ADGRD1: variants seen among roughly 807,000 people sequenced by gnomAD.
ADGRD1 encodes adhesion G protein-coupled receptor D1.
In ADGRD1, 77 loss-of-function variants were observed where a neutral mutation model predicts 113.4. The ratio of observed to expected loss-of-function variants is 0.68; its 90% CI spans 0.57 to 0.82. The LOEUF (loss-of-function observed/expected upper bound fraction) is 0.82. Ranked by LOEUF, ADGRD1 falls within the 40% of genes least tolerant of loss-of-function variation. The probability of loss-of-function intolerance (pLI) is 0.00; values close to 1 mark genes in which losing one functional copy is unlikely to be tolerated. For missense variants in ADGRD1, 1,036 were observed against 1,139.1 expected (o/e 0.91, Z 1.30); for synonymous variants, 474 against 475.0 (o/e 1.00, Z 0.03).
chr12:130,981,867 C>A lies in ADGRD1; in HGVS notation c.311-17C>A. On this transcript the variant is annotated splice_polypyrimidine_tract_variant and intron_variant, in intron 4 of 24. Coordinates refer to ENST00000261654, the MANE Select transcript of ADGRD1 (RefSeq NM_198827.5). ...CCCCTGCTCTCTGTGAATAACTGAT[C>A]TTGTGACTTTCCTCAGGGGTCACGT... is the stretch of plus-strand genomic sequence containing the variant. 1.9e-6 allele frequency: 3 copies of A among 1,591,926 alleles called. No homozygotes were observed. Among genetic ancestry groups the A allele is most frequent in the Non-Finnish European group, 2.6e-6 (3 of 1,162,990 alleles).
At chr12:131,130,495 G>T (rs916972779) in intron 20 of ADGRD1, among the ~76,000 whole-genome samples, 1 of 152,218 alleles carries the variant, frequency 6.6e-6, no homozygotes. Flanking sequence ...AGACAGGGCC[G>T]GTCTCCTGCT....
chr12:131,033,247 T>G (rs1881001406), intron 13 of ADGRD1, among the ~76,000 whole-genome samples: 1 of 151,862 alleles, frequency 6.6e-6, no homozygotes, highest in South Asian at 2.1e-4. Flanking sequence ...TTGTCTTGTT[T>G]TTGTGTGGCA....
intron 24 of ADGRD1, 88 bp from the exon 25 acceptor site, chr12:131,139,080 A>G (rs1432805198): frequency 2.2e-6 from 2 of 898,596 alleles, no homozygotes; most frequent in African/African-American, 1.7e-5. Flanking sequence ...TCGGGCAGCT[A>G]TGGGCCCAAT....
chr12:131,116,923 C>T (rs557558037), intron 18 of ADGRD1, among the ~76,000 whole-genome samples: 1 of 152,336 alleles, frequency 6.6e-6, no homozygotes, highest in East Asian at 1.9e-4. Context: ...GATTCCCATT[C>T]GTGCAGGATC....
chr12:131,120,239 A>AC (rs1349473712), intron 19 of ADGRD1, among the ~76,000 whole-genome samples: 1 of 151,806 alleles, frequency 6.6e-6, no homozygotes, highest in Non-Finnish European at 1.5e-5. Context: ...GGTCCTAGGG[A>AC]CTCTTCGGCT....
At chr12:131,010,084 C>T (rs931300935) in intron 12 of ADGRD1, among the ~76,000 whole-genome samples, 10 of 152,188 alleles carry the variant, frequency 6.6e-5, no homozygotes, top group Non-Finnish European at 1.3e-4. Flanking sequence ...CTGAGGAAGT[C>T]GCCTGTTACC....
At chr12:131,054,336 C>T (rs548642807) in intron 13 of ADGRD1, among the ~76,000 whole-genome samples, 1 of 152,282 alleles carries the variant, frequency 6.6e-6, no homozygotes, top group South Asian at 2.1e-4. Flanking sequence ...TGTTCTTTCG[C>T]CATAGATTAA....
At chr12:130,997,079 G>A (rs1875569313) in intron 8 of ADGRD1, among the ~76,000 whole-genome samples, 1 of 134,818 alleles carries the variant, frequency 7.4e-6, no homozygotes, top group Non-Finnish European at 1.6e-5. Flanking sequence ...TCCCAGTAGG[G>A]GCGGCCGGGC....
chr12:131,056,247 G>T (rs1479466096), intron 13 of ADGRD1, among the ~76,000 whole-genome samples: 1 of 152,236 alleles, frequency 6.6e-6, no homozygotes, highest in Non-Finnish European at 1.5e-5. Context: ...CACATTAGAG[G>T]TTGTACTTTA....
chr12:131,041,531 G>A lies in ADGRD1; in HGVS notation c.1473+27191G>A, dbSNP rs1882129927. On this transcript the variant is annotated intron_variant, in intron 13 of 24. Transcript: ENST00000261654. The surrounding 1 kb of genome is among the most constrained non-coding windows in gnomAD (Gnocchi z 4.4). The stretch of plus-strand genomic sequence containing the variant: ...CACTTTGTGACCTCCGCAGGGAGAC[G>A]GAGACTGTGGTGGCCAGGACAGCAT... 2.0e-5 allele frequency among the ~76,000 whole-genome samples: 3 copies of A among 152,132 alleles called. No homozygotes were observed. Among genetic ancestry groups the A allele is most frequent in the Admixed American group, 6.5e-5 (1 of 15,280 alleles).
chr12:130,972,897 G>A (rs559305694), intron 4 of ADGRD1, among the ~76,000 whole-genome samples: 3 of 152,214 alleles, frequency 2.0e-5, no homozygotes, highest in African/African-American at 7.2e-5. Flanking sequence ...ACCCAAGAAA[G>A]GAGACAGTGA....
At chr12:131,019,777 C>T (rs1017601083) in intron 13 of ADGRD1, among the ~76,000 whole-genome samples, 7 of 152,102 alleles carry the variant, frequency 4.6e-5, no homozygotes, top group Admixed American at 2.6e-4. Flanking sequence ...GGGAGATGCT[C>T]CAGGGAAGGA....
intron 8 of ADGRD1, among the ~76,000 whole-genome samples, chr12:130,994,547 C>A (rs530932344): frequency 6.6e-6 from 1 of 152,352 alleles, no homozygotes; most frequent in South Asian, 2.1e-4. Flanking sequence ...CTGCAGCATC[C>A]TCAGGAATGT....
intron 21 of ADGRD1, among the ~76,000 whole-genome samples, chr12:131,133,886 T>C (rs1274408708): frequency 1.3e-5 from 2 of 152,188 alleles, no homozygotes; most frequent in Non-Finnish European, 2.9e-5. Context: ...CTAGTGATTT[T>C]CTTAGTGCCA....
At chr12:131,039,411 G>A (rs1295466609) in intron 13 of ADGRD1, among the ~76,000 whole-genome samples, 3 of 152,228 alleles carry the variant, frequency 2.0e-5, no homozygotes, top group Admixed American at 6.5e-5. Flanking sequence ...TAGATTTCCC[G>A]GTCTAGACCA....
At chr12:131,082,974 CCACGTCGCCCAGGGCTA>C (rs1886182046) in intron 14 of ADGRD1, among the ~76,000 whole-genome samples, 1 of 152,236 alleles carries the variant, frequency 6.6e-6, no homozygotes, top group Non-Finnish European at 1.5e-5. Context: ...CCCTCGCGCT[CCACGTCGCCCAGGGCTA>C]ACGCAGGGTT....
At chr12:131,094,275 G>A (rs1304382295) in intron 15 of ADGRD1, among the ~76,000 whole-genome samples, 3 of 152,214 alleles carry the variant, frequency 2.0e-5, no homozygotes, top group African/African-American at 7.2e-5. Context: ...TGAGAGTGGA[G>A]TGGGAGTGGG....
At chr12:130,998,835 G>C (rs1875955552) in intron 8 of ADGRD1, among the ~76,000 whole-genome samples, 1 of 152,184 alleles carries the variant, frequency 6.6e-6, no homozygotes, top group African/African-American at 2.4e-5. Context: ...AAAATGGCAA[G>C]GGGTCATTTC....
rs556057352 is a variant in ADGRD1, at chr12:131,115,782, G to T, written c.2042-2603G>T. Among the ~76,000 whole-genome samples, 5 of 152,276 alleles carry T rather than the reference G, an allele frequency of 3.3e-5. No individual in the cohort carries two copies. The East Asian group carries it at 9.7e-4, about 29-fold the overall frequency. On this transcript the variant is annotated intron_variant, in intron 18 of 24. Coordinates refer to ENST00000261654, the MANE Select transcript of ADGRD1 (RefSeq NM_198827.5). ...GACAGCAGTGGTGGGAAAGGGGTGAGGTCTGAGCTGGTTGATGATACAGAT... is the reference window on the plus strand; with the variant it reads ...GACAGCAGTGGTGGGAAAGGGGTGATGTCTGAGCTGGTTGATGATACAGAT...
Sources: gnomAD v4.1 joint callset for allele counts (sites outside exome capture counted in the v4.1 genomes callset) on GRCh38, gnomAD v4.1.1 for gene constraint, Gnocchi (gnomAD v3.1) non-coding constraint, MANE v1.5 for transcripts, NCBI Gene and HGNC (gene_info 2026-07-23, HGNC 2026-07-21) for gene names.